The following UGT1A8 variants were observed in gnomAD, a reference collection of about 807,000 sequenced individuals.
The protein encoded by UGT1A8 is UDP-glucuronosyltransferase 1A8.
UGT1A8 carries 39 observed loss-of-function variants against 45.3 expected under a neutral mutation model. That is an observed-to-expected ratio of 0.86 (90% CI 0.67 to 1.12). The LOEUF (loss-of-function observed/expected upper bound fraction) is 1.12, where lower values mean the gene tolerates loss of function less well. Ranked by LOEUF, UGT1A8 falls within the 50% of genes most tolerant of loss-of-function variation. The pLI is 0.00. For missense variants in UGT1A8, 719 were observed against 664.9 expected, an observed-to-expected ratio of 1.08 and a Z score of -0.90; for synonymous variants, 275 against 249.2, an observed-to-expected ratio of 1.10 and a Z score of -0.97.
chr2:233,718,088 T>C (rs993085528), intron 1 of UGT1A8: 4 of 337,804 alleles, frequency 1.2e-5, no homozygotes, highest in African/African-American at 2.1e-5. Flanking sequence ...GTCTTGCCCA[T>C]GTGTGCTTTA....
chr2:233,753,212 A>G (rs1264665367), intron 1 of UGT1A8: 1 of 152,196 alleles, frequency 6.6e-6, no homozygotes, highest in Non-Finnish European at 1.5e-5. Context: ...AGTCTGTCTT[A>G]TTTTGATACT....
intron 1 of UGT1A8, among the ~76,000 whole-genome samples, chr2:233,716,243 G>A (rs1481828829): frequency 2.0e-5 from 3 of 152,006 alleles, no homozygotes; most frequent in African/African-American, 4.8e-5. Flanking sequence ...TGTCCTGCCC[G>A]GACATCCAGC....
intron 1 of UGT1A8, among the ~76,000 whole-genome samples, chr2:233,757,936 C>A (rs1430982400): frequency 6.6e-6 from 1 of 152,072 alleles, no homozygotes; most frequent in African/African-American, 2.4e-5. Context: ...AAAGCAAGAC[C>A]ATCATATTGC....
chr2:233,693,023 T>G lies in UGT1A8; in HGVS notation c.856-74011T>G, dbSNP rs6759892. ...TTCCAGGATGGCCTGCCTCCTTCGC[T>G]CATTTCAGAGAATTTCTGCAGGGGT... On this transcript the variant is annotated intron_variant, in intron 1 of 4. Transcript: ENST00000373450. The G allele has an allele frequency of 0.4, 650,213 of 1,613,808 alleles. 133,167 individuals are homozygous for G. Among genetic ancestry groups the G allele is most frequent in the South Asian group, 0.45 (41,315 of 91,030 alleles).
rs28969673 is a variant in UGT1A8, at chr2:233,620,497, C to T, written c.855+1935C>T. 2.1e-3 allele frequency among the ~76,000 whole-genome samples: 325 copies of T among 152,062 alleles called. 3 individuals carry two copies. The East Asian group carries it at 0.057, about 26-fold the overall frequency. ...AAAAAGTATATATGATTTTATATCA[C>T]CTACGATAGGGAGATATCCATAAAA... On this transcript the variant is annotated intron_variant, in intron 1 of 4. Transcript: ENST00000373450.
At chr2:233,668,114 G>A (rs1169055499) in intron 1 of UGT1A8, among the ~76,000 whole-genome samples, 1 of 151,798 alleles carries the variant, frequency 6.6e-6, no homozygotes, top group Non-Finnish European at 1.5e-5. Context: ...ATGCAGGTTT[G>A]TTACATATGT....
chr2:233,621,389 A>G lies in UGT1A8; in HGVS notation c.855+2827A>G, dbSNP rs190571964. 1.1e-4 allele frequency among the ~76,000 whole-genome samples: 17 copies of G among 152,302 alleles called. No homozygotes were observed. In the East Asian group the frequency reaches 2.9e-3, roughly 26 times the overall value. On this transcript the variant is annotated intron_variant, in intron 1 of 4. Transcript: ENST00000373450. ...GGTGAAAAGAATTCGGGCTTCGTCT[A>G]TACCATCCATGGTAGGTTCAGCTCT...
At chr2:233,753,561 G>A (rs1235204227) in intron 1 of UGT1A8, 1 of 152,192 alleles carries the variant, frequency 6.6e-6, no homozygotes, top group African/African-American at 2.4e-5. Flanking sequence ...GACCCTAGAA[G>A]ATGGGACCCT....
chr2:233,747,536 G>T (rs1693706230), intron 1 of UGT1A8: 1 of 1,605,072 alleles, frequency 6.2e-7, no homozygotes, highest in Non-Finnish European at 8.5e-7. Flanking sequence ...ATTTTCTGAA[G>T]ACATTTTCTA....
intron 1 of UGT1A8, among the ~76,000 whole-genome samples, chr2:233,699,942 G>A (rs1486156944): frequency 6.6e-6 from 1 of 152,228 alleles, no homozygotes; most frequent in African/African-American, 2.4e-5. Flanking sequence ...GTTGAAAGTT[G>A]TACAATGTGT....
intron 1 of UGT1A8, among the ~76,000 whole-genome samples, chr2:233,623,896 C>T (rs1276407039): frequency 6.6e-6 from 1 of 152,180 alleles, no homozygotes; most frequent in Non-Finnish European, 1.5e-5. Context: ...AGACAGCTCC[C>T]ATCATGCCTC....
intron 1 of UGT1A8, among the ~76,000 whole-genome samples, chr2:233,737,675 A>G (rs527390262): frequency 2.6e-4 from 40 of 152,110 alleles, no homozygotes; most frequent in Middle Eastern, 6.8e-3. Flanking sequence ...AGCTGTTCCT[A>G]TTTGGCCATT....
intron 1 of UGT1A8, among the ~76,000 whole-genome samples, chr2:233,739,272 C>T (rs1444866031): frequency 6.6e-6 from 1 of 152,138 alleles, no homozygotes; most frequent in African/African-American, 2.4e-5. Flanking sequence ...AGGTTGGAGC[C>T]CCCACACAGA....
chr2:233,650,288 G>T (rs557279623), intron 1 of UGT1A8, among the ~76,000 whole-genome samples: 56 of 152,168 alleles, frequency 3.7e-4, no homozygotes, highest in Non-Finnish European at 7.4e-4. Flanking sequence ...GATCCCACTT[G>T]TTTATAATTT....
At chr2:233,714,923 C>A (rs532200319) in intron 1 of UGT1A8, among the ~76,000 whole-genome samples, 1 of 152,298 alleles carries the variant, frequency 6.6e-6, no homozygotes, top group Admixed American at 6.5e-5. Context: ...GTCACCCAGT[C>A]TGGAGTGCAG....
chr2:233,725,800 A>G (rs1559371046), intron 1 of UGT1A8, among the ~76,000 whole-genome samples: 1 of 152,288 alleles, frequency 6.6e-6, no homozygotes, highest in East Asian at 1.9e-4. Flanking sequence ...AATAATCCTT[A>G]AAATCCATTT....
In UGT1A8 at chr2:233,617,761, G is replaced by A. The variant is rs1326386574; in HGVS notation, c.54G>A (p.Leu18=). The change falls in exon 1 of 5, where the codon CTG becomes CTA. Residue 18 remains leucine (L), a synonymous_variant. Transcript: ENST00000373450. ...SPIPLCVSLL[L]TCGFAEAGKL... ...TTCCCCTATGTGTTTCTCTGCTGCT[G>A]ACCTGTGGCTTTGCTGAGGCAGGGA... is the stretch of plus-strand genomic sequence containing the variant. 1.9e-6 allele frequency: 3 copies of A among 1,614,032 alleles called. No homozygotes were observed. The highest frequency in any genetic ancestry group is 2.7e-5 in the African/African-American group (2 of 74,930).
chr2:233,763,409 T>C (rs1698304893), intron 1 of UGT1A8, among the ~76,000 whole-genome samples: 1 of 152,246 alleles, frequency 6.6e-6, no homozygotes, highest in Admixed American at 6.5e-5. Flanking sequence ...ACTGGTATTT[T>C]TAATCCAGTC....
intron 1 of UGT1A8, chr2:233,760,610 G>C: frequency 1.2e-6 from 2 of 1,614,182 alleles, no homozygotes; most frequent in Non-Finnish European, 1.7e-6. Context: ...TTCCTGCAGC[G>C]TGTGATCAAA....
Sources: gnomAD v4.1 joint callset for allele counts (sites outside exome capture counted in the v4.1 genomes callset) on GRCh38, gnomAD v4.1.1 for gene constraint, MANE v1.5 for transcripts, NCBI Gene and HGNC (gene_info 2026-07-23, HGNC 2026-07-21) for gene names.